The following CDON variants were observed in gnomAD, a reference collection of about 807,000 sequenced individuals.
The protein encoded by CDON is cell adhesion molecule-related/down-regulated by oncogenes.
In CDON, 73 loss-of-function variants were observed where a neutral mutation model predicts 120.9. That is an observed-to-expected ratio of 0.60 (90% CI 0.50 to 0.73). CDON has a LOEUF of 0.73. CDON is among the 30% of genes least tolerant of loss of function. The pLI is 0.00. For synonymous variants in CDON, 566 were observed against 573.5 expected (o/e 0.99, Z 0.19); for missense variants, 1,470 against 1,587.3 (o/e 0.93, Z 1.26).
chr11:126,012,222 G>A (rs1172512583), intron 7 of CDON, among the ~76,000 whole-genome samples: 1 of 152,038 alleles, frequency 6.6e-6, no homozygotes, highest in East Asian at 1.9e-4. Flanking sequence ...ATTTTAATTT[G>A]AATTGCATAA....
Position 125,981,103 on chromosome 11 carries a change from G to A in CDON, c.3222C>T (p.Ser1074=). ...SLNGGLYSGH[S]NSLTRTHVDF... ...CCACGTGTGTCCTGGTTAGAGAGTT[G>A]CTGTGCCCGGAGTAAAGCCCTCCAT... is the stretch of plus-strand genomic sequence containing the variant. Residue 1074 remains serine (S), a synonymous_variant, in exon 17 of 20, where the codon AGC becomes AGT. Transcript: ENST00000531738. 1 of 1,614,138 alleles carries A rather than the reference G, an allele frequency of 6.2e-7. No homozygotes were observed. Among genetic ancestry groups the A allele is most frequent in the South Asian group, 1.1e-5 (1 of 91,082 alleles).
At chr11:125,981,567 A>G (rs950467495) in intron 16 of CDON, among the ~76,000 whole-genome samples, 5 of 152,226 alleles carry the variant, frequency 3.3e-5, no homozygotes, top group African/African-American at 1.2e-4. Context: ...TACTTGTAAG[A>G]CATGCTTTAA....
At position 126,001,516 on chromosome 11, in the gene CDON, CAG is replaced by C. The variant is rs34580130; in HGVS notation, c.2158+201_2158+202del. Reference sequence around the variant, plus strand: ...AACTTAGTACCAGAACATTTTGAGTCAGAGTTAATGAAGTTAAGTACTAATCA... The same window carrying C: ...AACTTAGTACCAGAACATTTTGAGTCAGTTAATGAAGTTAAGTACTAATCA... On this transcript the variant is annotated intron_variant, in intron 11 of 19. Coordinates refer to ENST00000531738, the MANE Select transcript of CDON (RefSeq NM_001378964.1). 0.34 allele frequency among the ~76,000 whole-genome samples: 51,753 copies of C among 151,662 alleles called. 9,078 individuals carry two copies. Among genetic ancestry groups the C allele is most frequent in the African/African-American group, 0.38 (15,706 of 41,326 alleles).
chr11:125,966,398 CAG>C (rs1489732258), intron 18 of CDON, among the ~76,000 whole-genome samples: 1 of 152,108 alleles, frequency 6.6e-6, no homozygotes, highest in Admixed American at 6.6e-5. Flanking sequence ...CACAGGCGAA[CAG>C]AGGATTGCTG....
At chr11:125,978,597 C>T (rs1390590169) in intron 17 of CDON, among the ~76,000 whole-genome samples, 1 of 152,202 alleles carries the variant, frequency 6.6e-6, no homozygotes, top group African/African-American at 2.4e-5. Context: ...TTAGATTTAA[C>T]TGTATTCCAA....
rs2134676858 is a variant in CDON, at chr11:126,018,355, A to G, written c.615T>C (p.Pro205=). The G allele has an allele frequency of 6.2e-7, 1 of 1,614,098 alleles. No individual in the cohort carries two copies. The highest frequency in any genetic ancestry group is 1.1e-5 in the South Asian group (1 of 91,078). Residue 205 remains proline (P), a synonymous_variant, in exon 5 of 20, where the codon CCT becomes CCC. Coordinates refer to ENST00000531738, the MANE Select transcript of CDON (RefSeq NM_001378964.1). ...GACTCACAAGGAGCTTTCGGCCAAT[A>G]GGTTCAACTTTTAATTGATGTGTGA... is the stretch of plus-strand genomic sequence containing the variant. ...NPVTHQLKVE[P]IGRKLLVSRP...
intron 1 of CDON, among the ~76,000 whole-genome samples, chr11:126,031,384 T>C (rs1311943751): frequency 2.6e-5 from 4 of 152,216 alleles, no homozygotes; most frequent in African/African-American, 7.2e-5. Flanking sequence ...TTCGTTTTAT[T>C]CAGTACAACT....
chr11:125,981,283 C>A lies in CDON; in HGVS notation c.3042G>T (p.Gly1014=). ...GYLYQGSDMN[G]QMVDYTTLSG... is the part of the protein sequence containing the mutation. ...AGAGAGTGGTGTAGTCCACCATCTG[C>A]CCGTTCATATCTGATCCTTGGTAGA... Residue 1014 remains glycine, a synonymous_variant, in exon 17 of 20, where the codon GGG becomes GGT. Coordinates refer to ENST00000531738, the MANE Select transcript of CDON (RefSeq NM_001378964.1). The A allele has an allele frequency of 6.2e-7, 1 of 1,614,104 alleles. No individual in the cohort carries two copies. Among genetic ancestry groups the A allele is most frequent in the Non-Finnish European group, 8.5e-7 (1 of 1,180,032 alleles).
chr11:126,029,328 T>C (rs1372604232), intron 1 of CDON, among the ~76,000 whole-genome samples: 1 of 152,174 alleles, frequency 6.6e-6, no homozygotes, highest in Non-Finnish European at 1.5e-5. Flanking sequence ...AAAAACAACG[T>C]GGACACAAAA....
chr11:126,048,570 A>T (rs903638036), intron 1 of CDON, among the ~76,000 whole-genome samples: 1 of 152,272 alleles, frequency 6.6e-6, no homozygotes, highest in Admixed American at 6.5e-5. Context: ...CAATTTCATT[A>T]GAGAATGAAG....
At position 125,998,604 on chromosome 11, in the gene CDON, G is replaced by A. The variant is rs555846226; in HGVS notation, c.2159-1194C>T. The stretch of plus-strand genomic sequence containing the variant: ...TTCTTTATAAATTACCCAGCCTCAC[G>A]TATTCCTTTATAGCAACACAAACAG... On this transcript the variant is annotated intron_variant, in intron 11 of 19. Transcript: ENST00000531738. Among the ~76,000 whole-genome samples the A allele has an allele frequency of 1.8e-4, 28 of 152,234 alleles. No homozygotes were observed. The South Asian group carries it at 4.6e-3, about 25-fold the overall frequency.
chr11:125,964,415 C>A (rs1017413358), intron 18 of CDON, among the ~76,000 whole-genome samples: 2 of 152,146 alleles, frequency 1.3e-5, no homozygotes, highest in African/African-American at 2.4e-5. Flanking sequence ...AACTCAGGAG[C>A]AAATCATGTC....
At chr11:126,001,679 T>C (rs1197878728) in intron 11 of CDON, 40 bp downstream of exon 11, 2 of 1,590,544 alleles carry the variant, frequency 1.3e-6, no homozygotes, top group Non-Finnish European at 8.6e-7. Flanking sequence ...AGCAGGTCAG[T>C]TATATTTGTA....
intron 1 of CDON, among the ~76,000 whole-genome samples, chr11:126,024,239 G>A (rs1320421166): frequency 6.6e-6 from 1 of 152,170 alleles, no homozygotes; most frequent in Non-Finnish European, 1.5e-5. Flanking sequence ...CTAAATGCAA[G>A]AGCAAACCCT....
At position 126,017,170 on chromosome 11, in the gene CDON, C is replaced by T. The variant is rs780286345; in HGVS notation, c.846G>A (p.Pro282=). ...YSHLATDSVD[P]ADSGNYSCMA... is the part of the protein sequence containing the mutation. Reference sequence around the variant, plus strand: ...TGCAGGAATAGTTTCCGGAGTCCGCCGGGTCAACGCTATCAGTGGCAAGAT... The same window carrying T: ...TGCAGGAATAGTTTCCGGAGTCCGCTGGGTCAACGCTATCAGTGGCAAGAT... Residue 282 remains proline, a synonymous_variant, in exon 6 of 20, where the codon CCG becomes CCA. Transcript: ENST00000531738. 2.8e-5 allele frequency: 46 copies of T among 1,614,096 alleles called. No homozygotes were observed. The highest frequency in any genetic ancestry group is 6.7e-5 in the African/African-American group (5 of 75,020).
At chr11:126,021,953 A>C (rs915730221) in intron 2 of CDON, among the ~76,000 whole-genome samples, 6 of 151,936 alleles carry the variant, frequency 3.9e-5, no homozygotes, top group African/African-American at 1.2e-4. Flanking sequence ...AAATACAAAA[A>C]TTAGCCAATG....
At chr11:125,971,224 A>C (rs1313567177) in intron 18 of CDON, among the ~76,000 whole-genome samples, 1 of 151,964 alleles carries the variant, frequency 6.6e-6, no homozygotes, top group Non-Finnish European at 1.5e-5. Context: ...TCTACTAAAA[A>C]CATAAAAAAT....
chr11:126,018,092 GT>G (rs1591391720), intron 5 of CDON, among the ~76,000 whole-genome samples: 1 of 151,948 alleles, frequency 6.6e-6, no homozygotes, highest in Non-Finnish European at 1.5e-5. Context: ...TAGAGACAGG[GT>G]TTCACCCTGT....
intron 6 of CDON, 110 bp from the exon 7 acceptor site, chr11:126,015,620 G>T (rs1947443564): frequency 8.7e-7 from 1 of 1,146,926 alleles, no homozygotes; most frequent in Non-Finnish European, 1.3e-6. Context: ...AAACAAAGTT[G>T]CATTGTTTAT....
Sources: gnomAD v4.1 joint callset for allele counts (sites outside exome capture counted in the v4.1 genomes callset) on GRCh38, gnomAD v4.1.1 for gene constraint, MANE v1.5 for transcripts, NCBI Gene and HGNC (gene_info 2026-07-23, HGNC 2026-07-21) for gene names.